Variants in IL17RB observed in about 807,000 individuals in gnomAD.
IL17RB encodes interleukin-17 receptor B.
A neutral mutation model predicts 43.9 loss-of-function variants in IL17RB; 36 were observed. The ratio of observed to expected loss-of-function variants is 0.82; its 90% CI spans 0.63 to 1.08. The LOEUF (loss-of-function observed/expected upper bound fraction) is 1.08, where lower values mean the gene tolerates loss of function less well. Among genes scored for constraint, IL17RB ranks in the 50% least tolerant of loss-of-function variants. The probability of loss-of-function intolerance (pLI) is 0.00; values close to 1 mark genes in which losing one functional copy is unlikely to be tolerated. For missense variants in IL17RB, 613 were observed against 613.6 expected (o/e 1.00, Z 0.01); for synonymous variants, 225 against 225.4 (o/e 1.00, Z 0.02).
At chr3:53,861,372 G>C (rs1259008240) in intron 10 of IL17RB, 1 of 151,942 alleles carries the variant, frequency 6.6e-6, no homozygotes, top group African/African-American at 2.4e-5. Flanking sequence ...AGCTGTGATT[G>C]TTCACCATTT....
intron 6 of IL17RB, among the ~76,000 whole-genome samples, chr3:53,856,547 C>T (rs940775197): frequency 2.6e-5 from 4 of 152,228 alleles, no homozygotes; most frequent in Admixed American, 2.6e-4. Context: ...TATCCCTTAA[C>T]TCAAAAGAGA....
intron 1 of IL17RB, among the ~76,000 whole-genome samples, chr3:53,847,819 G>T (rs1487874504): frequency 2.0e-5 from 3 of 151,960 alleles, no homozygotes; most frequent in Admixed American, 6.6e-5. Context: ...AAAATCTGAT[G>T]ATATCCCTTA....
chr3:53,849,559 A>G (rs1699057509), intron 2 of IL17RB, 96 bp from the exon 3 acceptor site: 4 of 1,103,710 alleles, frequency 3.6e-6, no homozygotes, highest in Non-Finnish European at 4.9e-6. Flanking sequence ...GGAATTGTGA[A>G]TGGGGGAAGG....
chr3:53,854,860 A>C (rs1437072273), intron 5 of IL17RB, among the ~76,000 whole-genome samples: 1 of 152,176 alleles, frequency 6.6e-6, no homozygotes, highest in Non-Finnish European at 1.5e-5. Flanking sequence ...TCTCTTAGGG[A>C]TCAAAGATAC....
At chr3:53,862,169 T>C (rs965085208) in intron 10 of IL17RB, among the ~76,000 whole-genome samples, 1 of 152,140 alleles carries the variant, frequency 6.6e-6, no homozygotes, top group African/African-American at 2.4e-5. Flanking sequence ...TATTGGACAA[T>C]GCCCCCAGCC....
In IL17RB at chr3:53,848,266, C is replaced by T. The variant is rs561053591; in HGVS notation, c.61-398C>T. Among the ~76,000 whole-genome samples, 194 of 152,346 alleles carry T rather than the reference C, an allele frequency of 1.3e-3. 1 individual carries two copies. The highest frequency in any genetic ancestry group is 2.3e-3 in the Non-Finnish European group (159 of 68,036). ...TCTCCTTAGCATAGCTACTCCTTAA[C>T]CTGGGGTAGCCCAGTAAATACTCTA... On this transcript the variant is annotated intron_variant, in intron 1 of 10. Coordinates refer to ENST00000288167, the MANE Select transcript of IL17RB (RefSeq NM_018725.4).
rs781319759 is a variant in IL17RB, at chr3:53,846,660, C to T, written c.60+12C>T. ...TACCCCGAGAGCCGGTAAGCCCCCG[C>T]CAGCACCTCTTCCCTCATCTCCCGG... On this transcript the variant is annotated intron_variant, in intron 1 of 10. Coordinates refer to ENST00000288167, the MANE Select transcript of IL17RB (RefSeq NM_018725.4). 8.2e-6 allele frequency: 13 copies of T among 1,588,002 alleles called. No homozygotes were observed. The Admixed American group carries it at 2.2e-4, about 27-fold the overall frequency.
Position 53,848,180 on chromosome 3 carries a change from G to C in IL17RB, c.61-484G>C, listed in dbSNP as rs553987959. ...AGTGAGTCCTTTTGTGTTAGAAGGG[G>C]AACATTTTAAAGAACCTGAGGAAAG... On this transcript the variant is annotated intron_variant, in intron 1 of 10. Transcript: ENST00000288167. 2.6e-5 allele frequency among the ~76,000 whole-genome samples: 4 copies of C among 152,324 alleles called. No homozygotes were observed. In the East Asian group the frequency reaches 7.7e-4, roughly 29 times the overall value.
chr3:53,864,203 G>A (rs1699683570), intron 10 of IL17RB, among the ~76,000 whole-genome samples: 1 of 152,158 alleles, frequency 6.6e-6, no homozygotes, highest in Non-Finnish European at 1.5e-5. Flanking sequence ...TTTAGTGAGA[G>A]GGACTTAGAA....
intron 10 of IL17RB, among the ~76,000 whole-genome samples, chr3:53,861,990 A>ACC (rs932565552): frequency 7.2e-5 from 11 of 152,168 alleles, no homozygotes; most frequent in African/African-American, 2.4e-4. Flanking sequence ...AAAGCTGCTA[A>ACC]CCCCCTGGCC....
Position 53,864,984 on chromosome 3 carries a change from T to C in IL17RB, c.1185T>C (p.Leu395=), listed in dbSNP as rs1559786107. 1 of 1,614,168 alleles carries C rather than the reference T, an allele frequency of 6.2e-7. No homozygotes were observed. The highest frequency in any genetic ancestry group is 8.5e-7 in the Non-Finnish European group (1 of 1,180,026). ...AGGCAGCAGACAAAGTCGTCTTCCT[T>C]CTTTCCAATGACGTCAACAGTGTGT... The part of the protein sequence containing the change: ...QKKAADKVVF[L]LSNDVNSVCD... The change falls in exon 11 of 11, where the codon CTT becomes CTC. Residue 395 remains leucine, a synonymous_variant. Transcript: ENST00000288167.
chr3:53,865,150 A>G lies in IL17RB; in HGVS notation c.1351A>G (p.Ile451Val), dbSNP rs754014298. 6.2e-7 allele frequency: 1 copy of G among 1,614,182 alleles called. No individual in the cohort carries two copies. The highest frequency in any genetic ancestry group is 1.1e-5 in the South Asian group (1 of 91,068). ...ATACGTGGTGGTCTACTTTAGAGAGATTGATACAAAAGACGATTACAATGC... is the reference window on the plus strand; with the variant it reads ...ATACGTGGTGGTCTACTTTAGAGAGGTTGATACAAAAGACGATTACAATGC... The part of the protein sequence containing the change: ...HKYVVVYFRE[I>V]DTKDDYNALS... Residue 451 changes from isoleucine to valine, a missense_variant, in exon 11 of 11, where the codon ATT becomes GTT. Physicochemically the swap from Ile to Val is conservative, Grantham distance 29. Coordinates refer to ENST00000288167, the MANE Select transcript of IL17RB (RefSeq NM_018725.4).
At chr3:53,859,884 A>C (rs527906663) in intron 9 of IL17RB, 1 of 375,202 alleles carries the variant, frequency 2.7e-6, no homozygotes, top group East Asian at 4.6e-5. Context: ...GCGGTGACAC[A>C]TGCCTGTAAT....
chr3:53,849,859 T>C (rs1020410278), intron 3 of IL17RB, 64 bp downstream of exon 3: 2 of 1,442,538 alleles, frequency 1.4e-6, no homozygotes, highest in Non-Finnish European at 1.9e-6. Flanking sequence ...GTGCAGACTA[T>C]ATGAACCATT....
At chr3:53,849,102 G>A (rs530323213) in intron 2 of IL17RB, among the ~76,000 whole-genome samples, 3 of 152,362 alleles carry the variant, frequency 2.0e-5, no homozygotes, top group South Asian at 2.1e-4. Flanking sequence ...AGAGTGAGCT[G>A]GAGGAGAGAT....
rs978821857 is a variant in IL17RB at position 53,865,466 on chromosome 3, G to A, written c.*158G>A. 7 of 571,000 alleles carry A rather than the reference G, an allele frequency of 1.2e-5. No homozygotes were observed. The African/African-American group carries it at 1.3e-4, about 11-fold the overall frequency. The allele number at this position is 571,000 out of a possible 1,614,324, so 35.4% of individuals were successfully genotyped here. A position where few individuals can be genotyped will look rare whatever the true frequency, so the allele number is the denominator to read the frequency against. ...AAATTTTCAAATATTGCTAACTAAT[G>A]TAGCATTAACTAACGATTGGAAACT... On this transcript the variant is annotated 3_prime_UTR_variant, in exon 11 of 11. Coordinates refer to ENST00000288167, the MANE Select transcript of IL17RB (RefSeq NM_018725.4).
In IL17RB at chr3:53,864,978, C is replaced by T; in HGVS notation, c.1179C>T (p.Val393=). ...ATQKKAADKV[V]FLLSNDVNSV... is the part of the protein sequence containing the mutation. ...AAAAGAAGGCAGCAGACAAAGTCGT[C>T]TTCCTTCTTTCCAATGACGTCAACA... The change falls in exon 11 of 11, where the codon GTC becomes GTT. Residue 393 remains valine, a synonymous_variant. Coordinates refer to ENST00000288167, the MANE Select transcript of IL17RB (RefSeq NM_018725.4). The T allele has an allele frequency of 1.2e-6, 2 of 1,614,180 alleles. No individual in the cohort carries two copies. The highest frequency in any genetic ancestry group is 1.7e-6 in the Non-Finnish European group (2 of 1,180,032).
chr3:53,853,710 C>G (rs189822955), intron 5 of IL17RB, among the ~76,000 whole-genome samples: 3 of 152,296 alleles, frequency 2.0e-5, no homozygotes, highest in African/African-American at 7.2e-5. Flanking sequence ...TGTCATCTGT[C>G]ACAGGCAAGG....
chr3:53,858,493 A>G, intron 8 of IL17RB: 1 of 1,390,262 alleles, frequency 7.2e-7, no homozygotes, highest in South Asian at 1.6e-5. Flanking sequence ...AACGTGTACA[A>G]AGTTTAGGTT....
Sources: allele counts gnomAD v4.1 joint callset (sites outside exome capture counted in the v4.1 genomes callset), GRCh38; gene constraint gnomAD v4.1.1; transcripts MANE v1.5; gene names NCBI Gene and HGNC (gene_info 2026-07-23, HGNC 2026-07-21).